EPHA5: variants seen among roughly 807,000 people sequenced by gnomAD.
EPHA5 encodes the protein ephrin type-A receptor 5.
Under a neutral mutation model 105.0 loss-of-function variants are expected in EPHA5, and 60 were observed. The observed-to-expected ratio is 0.57, with a 90% CI of 0.46 to 0.71. The LOEUF (loss-of-function observed/expected upper bound fraction) is 0.71, where lower values mean the gene tolerates loss of function less well. Ranked by LOEUF, EPHA5 falls within the 30% of genes least tolerant of loss-of-function variation. The pLI, the probability that EPHA5 is intolerant of heterozygous loss-of-function variation, is 0.00. For missense variants in EPHA5, 1,218 were observed against 1,274.7 expected, an observed-to-expected ratio of 0.96 and a Z score of 0.68; for synonymous variants, 513 against 449.1, an observed-to-expected ratio of 1.14 and a Z score of -1.80.
intron 2 of EPHA5, among the ~76,000 whole-genome samples, chr4:65,605,708 G>C (rs1425697276): frequency 6.6e-6 from 1 of 151,570 alleles, no homozygotes; most frequent in African/African-American, 2.4e-5. Flanking sequence ...CTTTGGAGTA[G>C]ACATCTGAAA....
chr4:65,516,833 C>T (rs1047925208), intron 3 of EPHA5, among the ~76,000 whole-genome samples: 8 of 151,980 alleles, frequency 5.3e-5, no homozygotes, highest in South Asian at 4.1e-4. Context: ...CAAACTTAAT[C>T]CCATTGTGGT....
At chr4:65,419,177 C>A (rs1274401067) in intron 6 of EPHA5, among the ~76,000 whole-genome samples, 2 of 152,008 alleles carry the variant, frequency 1.3e-5, no homozygotes, top group Non-Finnish European at 2.9e-5. Context: ...AGCCACCGCA[C>A]CCGGCCCTAA....
In EPHA5 at chr4:65,635,239, C is replaced by G. The variant is rs565524002; in HGVS notation, c.246+8124G>C. Among the ~76,000 whole-genome samples the G allele has an allele frequency of 2.0e-5, 3 of 152,212 alleles. No individual in the cohort carries two copies. The East Asian group carries it at 5.8e-4, about 29-fold the overall frequency. ...TTGAAGTATCTACAATGTAGGGTTA[C>G]TTTTTCTTTCTCCTCCAGGCACAGA... On this transcript the variant is annotated intron_variant, in intron 2 of 16. Transcript: ENST00000613740.
intron 1 of EPHA5, among the ~76,000 whole-genome samples, chr4:65,660,609 C>G (rs924007888): frequency 6.6e-6 from 1 of 152,024 alleles, no homozygotes; most frequent in African/African-American, 2.4e-5. Flanking sequence ...TCACAGCAAC[C>G]TTTTGGATGT....
chr4:65,654,536 G>T (rs1216768122), intron 1 of EPHA5, among the ~76,000 whole-genome samples: 3 of 151,378 alleles, frequency 2.0e-5, no homozygotes, highest in African/African-American at 4.8e-5. Flanking sequence ...TAATAGCATG[G>T]CCCTGAGAAT....
In EPHA5 at chr4:65,365,957, G is replaced by C. The variant is rs887144739; in HGVS notation, c.1962C>G (p.Ile654Met). The C allele has an allele frequency of 7.5e-6, 12 of 1,608,254 alleles. No individual in the cohort carries two copies. Among genetic ancestry groups the C allele is most frequent in the Non-Finnish European group, 1.0e-5 (12 of 1,176,022 alleles). ...EFAKEIEASC[I>M]TIERVIGAGE... ...CTGCTCCAATAACTCTCTCAATGGT[G>C]ATACATGATGCTTCTATCTCCTTAG... is the stretch of plus-strand genomic sequence containing the variant. Residue 654 changes from isoleucine (I) to methionine (M), a missense_variant, in exon 10 of 17, where the codon ATC becomes ATG. By Grantham distance (10) the Ile-to-Met change is conservative (BLOSUM62 1). Around this residue, in one of 3 missense-constraint regions of EPHA5, gnomAD observed 971 missense variants for 1,013.5 expected, o/e 0.96. Coordinates refer to ENST00000613740, the MANE Select transcript of EPHA5 (RefSeq NM_001281766.3).
At chr4:65,459,374 T>C (rs964565835) in intron 5 of EPHA5, among the ~76,000 whole-genome samples, 2 of 151,964 alleles carry the variant, frequency 1.3e-5, no homozygotes, top group Admixed American at 1.3e-4. Context: ...TTTTCCATTA[T>C]TTATCACAAT....
At chr4:65,494,090 A>T (rs1731689125) in intron 4 of EPHA5, among the ~76,000 whole-genome samples, 1 of 152,202 alleles carries the variant, frequency 6.6e-6, no homozygotes, top group Non-Finnish European at 1.5e-5. Flanking sequence ...AAGAGCATAT[A>T]AAAATTGCAT....
intron 5 of EPHA5, among the ~76,000 whole-genome samples, chr4:65,428,621 G>A (rs745521252): frequency 2.2e-4 from 34 of 151,742 alleles, no homozygotes; most frequent in Non-Finnish European, 4.6e-4. Context: ...CTAGAGAGAC[G>A]GTATCTGTTT....
chr4:65,397,240 C>T (rs1361275551), intron 8 of EPHA5, among the ~76,000 whole-genome samples: 1 of 152,138 alleles, frequency 6.6e-6, no homozygotes, highest in East Asian at 1.9e-4. Context: ...GAAAGGTGGA[C>T]CTCCTCCTGG....
intron 5 of EPHA5, among the ~76,000 whole-genome samples, chr4:65,464,917 C>T (rs1728466313): frequency 6.6e-6 from 1 of 151,906 alleles, no homozygotes; most frequent in Non-Finnish European, 1.5e-5. Flanking sequence ...TAAAACAGTA[C>T]TAATCACTAA....
At chr4:65,486,165 G>A (rs535481303) in intron 5 of EPHA5, among the ~76,000 whole-genome samples, 221 of 152,148 alleles carry the variant, frequency 1.5e-3, no homozygotes, top group African/African-American at 4.9e-3. Context: ...AGTGAAGTTC[G>A]AAGTTCCTCC....
chr4:65,484,465 C>T (rs2149197321), intron 5 of EPHA5, among the ~76,000 whole-genome samples: 1 of 152,198 alleles, frequency 6.6e-6, no homozygotes, highest in Admixed American at 6.5e-5. Flanking sequence ...TTCTGATAGT[C>T]TGGGACAGCT....
At chr4:65,509,131 A>C (rs1400557221) in intron 3 of EPHA5, among the ~76,000 whole-genome samples, 1 of 152,156 alleles carries the variant, frequency 6.6e-6, no homozygotes, top group Non-Finnish European at 1.5e-5. Flanking sequence ...CAAGTGTCCT[A>C]CTGGGTCTTA....
chr4:65,564,150 T>C (rs900373923), intron 3 of EPHA5, among the ~76,000 whole-genome samples: 10 of 151,954 alleles, frequency 6.6e-5, no homozygotes, highest in African/African-American at 2.2e-4. Flanking sequence ...TGTATTTCTG[T>C]ATCACAAATA....
chr4:65,596,431 A>G (rs1300092464), intron 3 of EPHA5, among the ~76,000 whole-genome samples: 2 of 152,114 alleles, frequency 1.3e-5, no homozygotes, highest in African/African-American at 4.8e-5. Context: ...CCAAAATATC[A>G]AAACTCCAGT....
At chr4:65,522,625 C>A (rs142601224) in intron 3 of EPHA5, among the ~76,000 whole-genome samples, 1 of 151,960 alleles carries the variant, frequency 6.6e-6, no homozygotes, top group African/African-American at 2.4e-5. Flanking sequence ...GAGACCTCTG[C>A]GCTTTCTTAA....
intron 1 of EPHA5, among the ~76,000 whole-genome samples, chr4:65,666,546 T>C (rs930345688): frequency 6.6e-6 from 1 of 152,220 alleles, no homozygotes; most frequent in African/African-American, 2.4e-5. Flanking sequence ...CACTTGCAGA[T>C]ACACTTGCTA....
intron 14 of EPHA5, among the ~76,000 whole-genome samples, chr4:65,336,962 T>C (rs544900017): frequency 2.6e-5 from 4 of 152,222 alleles, no homozygotes; most frequent in Non-Finnish European, 4.4e-5. Flanking sequence ...ATATCTTATT[T>C]TGCATATTTC....
Sources: allele counts gnomAD v4.1 joint callset (sites outside exome capture counted in the v4.1 genomes callset), GRCh38; gene constraint gnomAD v4.1.1; regional missense constraint gnomAD v4.1.1; transcripts MANE v1.5; gene names NCBI Gene and HGNC (gene_info 2026-07-23, HGNC 2026-07-21).